Variants in MGST1 observed in about 807,000 individuals in gnomAD.
MGST1 encodes microsomal glutathione S-transferase 1, also known as glutathione S-transferase 12.
MGST1 carries 5 observed loss-of-function variants against 8.9 expected under a neutral mutation model. The observed-to-expected ratio is 0.56, with a 90% CI of 0.29 to 1.19. MGST1 has a LOEUF of 1.19. Ranked by LOEUF, MGST1 falls within the 50% of genes most tolerant of loss-of-function variation. MGST1 has a pLI of 0.08. For synonymous variants in MGST1, 54 were observed against 67.8 expected (o/e 0.80, Z 1.00); for missense variants, 182 against 187.4 (o/e 0.97, Z 0.17).
chr12:16,530,951 T>C (rs1300411139), intron 4 of MGST1, among the ~76,000 whole-genome samples: 1 of 151,902 alleles, frequency 6.6e-6, no homozygotes. Flanking sequence ...GGGAAGTGAA[T>C]AAAGAAATGT....
chr12:16,450,504 G>A (rs1311113537), intron 4 of MGST1, among the ~76,000 whole-genome samples: 1 of 151,946 alleles, frequency 6.6e-6, no homozygotes, highest in South Asian at 2.1e-4. Flanking sequence ...CTTGATAACA[G>A]TCAGAAGCTG....
At position 16,583,003 on chromosome 12, in the gene MGST1, C is replaced by T. The variant is rs560698225; in HGVS notation, n.483-6525C>T. Among the ~76,000 whole-genome samples the T allele has an allele frequency of 6.8e-5, 10 of 147,494 alleles. No homozygotes were observed. The East Asian group carries it at 1.8e-3, about 27-fold the overall frequency. On this transcript the variant is annotated intron_variant and non_coding_transcript_variant, in intron 4 of 4. Coordinates refer to the MGST1 transcript ENST00000538857. ...CAGAGGTTGTAGTGAGCTGAGATCA[C>T]TCCACTGCACTCTAGCCTGGGTGAC...
rs1026327495 is a variant in MGST1 at position 16,503,951 on chromosome 12, T to C, written n.483-85577T>C. On this transcript the variant is annotated intron_variant and non_coding_transcript_variant, in intron 4 of 4. Coordinates refer to the MGST1 transcript ENST00000538857. The surrounding 1 kb of genome is among the most constrained non-coding windows in gnomAD (Gnocchi z 4.8). ...GCACAGTACCTCCGGTGCTGCTGTA[T>C]GCTGCTGCCCTATGCTGCTGCTTCG... 6.6e-6 allele frequency among the ~76,000 whole-genome samples: 1 copy of C among 152,218 alleles called. No homozygotes were observed. The highest frequency in any genetic ancestry group is 2.4e-5 in the African/African-American group (1 of 41,460).
In MGST1 at chr12:16,544,221, T is replaced by TACACACACAC. The variant is rs3029719; in HGVS notation, n.483-45273_483-45264dup. Among the ~76,000 whole-genome samples the TACACACACAC allele has an allele frequency of 0.011, 1,495 of 138,848 alleles. 35 individuals carry two copies. Among genetic ancestry groups the TACACACACAC allele is most frequent in the African/African-American group, 0.035 (1,277 of 36,928 alleles). The allele number at this position is 138,848 out of a possible 152,430, so 91.1% of individuals were successfully genotyped here. On this transcript the variant is annotated intron_variant and non_coding_transcript_variant, in intron 4 of 4. Coordinates refer to the MGST1 transcript ENST00000538857. This position sits in a 1 kb window ranked among gnomAD's most constrained non-coding sequence, Gnocchi z 4.8. Reference sequence around the variant, plus strand: ...TTAAATTGACACCTTAAGTAAGAACTACACACACACACACACACACACACA... The same window carrying TACACACACAC: ...TTAAATTGACACCTTAAGTAAGAACTACACACACACACACACACACACACACACACACACA...
At chr12:16,480,432 T>C (rs2137144180) in intron 4 of MGST1, among the ~76,000 whole-genome samples, 1 of 152,280 alleles carries the variant, frequency 6.6e-6, no homozygotes, top group South Asian at 2.1e-4. Context: ...TAAGCCACCG[T>C]GGTCGGCCAG....
At chr12:16,535,476 C>T (rs1443231368) in intron 4 of MGST1, among the ~76,000 whole-genome samples, 3 of 152,150 alleles carry the variant, frequency 2.0e-5, no homozygotes, top group East Asian at 1.9e-4. Flanking sequence ...CAAGTTCCAG[C>T]ATGACGGATA....
At chr12:16,405,197 T>C (rs368337661) in intron 1 of MGST1, among the ~76,000 whole-genome samples, 2 of 151,984 alleles carry the variant, frequency 1.3e-5, no homozygotes, top group African/African-American at 4.8e-5. Context: ...CCAAAAGAGA[T>C]TGTGACATAC....
At chr12:16,432,940 C>A (rs1309843922) in intron 1 of MGST1, among the ~76,000 whole-genome samples, 8 of 152,014 alleles carry the variant, frequency 5.3e-5, no homozygotes, top group Non-Finnish European at 1.2e-4. Context: ...CTCTGAGAAC[C>A]TGGAAACCAA....
chr12:16,402,440 C>T (rs1940665590), intron 1 of MGST1: 5 of 1,602,704 alleles, frequency 3.1e-6, no homozygotes, highest in Admixed American at 3.3e-5. Flanking sequence ...CGCCGCTTCT[C>T]CTCGGGTTCT....
Position 16,389,915 on chromosome 12 carries a change from G to C in MGST1, n.778+6311G>C, listed in dbSNP as rs1018378800. On this transcript the variant is annotated intron_variant and non_coding_transcript_variant, in intron 1 of 1. Coordinates refer to the MGST1 transcript ENST00000359720. The surrounding 1 kb of genome is among the most constrained non-coding windows in gnomAD (Gnocchi z 4.6). ...AGGCAGGATTGCGTAAGTAGAAAAA[G>C]AGAAAAAGAGAGCAATGCTCTTGTG... Among the ~76,000 whole-genome samples the C allele has an allele frequency of 4.6e-5, 7 of 152,268 alleles. No homozygotes were observed. Among genetic ancestry groups the C allele is most frequent in the African/African-American group, 1.2e-4 (5 of 41,570 alleles).
rs964122895 is a variant in MGST1 at position 16,513,376 on chromosome 12, C to G, written n.483-76152C>G. 2.7e-6 allele frequency: 1 copy of G among 367,112 alleles called. No homozygotes were observed. The highest frequency in any genetic ancestry group is 5.3e-6 in the Non-Finnish European group (1 of 188,522). 22.7% of individuals were successfully genotyped at this position (367,112 alleles called of 1,614,324 possible). A position where few individuals can be genotyped will look rare whatever the true frequency, so the allele number is the denominator to read the frequency against. The stretch of plus-strand genomic sequence containing the variant: ...GCTCCGTCCTGCGTCTGCCCACTGC[C>G]CTCCTACCGTCCACCATGGCTCCTC... On this transcript the variant is annotated intron_variant and non_coding_transcript_variant, in intron 4 of 4. Coordinates refer to the MGST1 transcript ENST00000538857. This position sits in a 1 kb window ranked among gnomAD's most constrained non-coding sequence, Gnocchi z 4.2.
At chr12:16,354,916 A>G (rs1397950416) in intron 2 of MGST1, among the ~76,000 whole-genome samples, 1 of 151,798 alleles carries the variant, frequency 6.6e-6, no homozygotes. Context: ...TCTACCCAGC[A>G]TTATAAGAAT....
intron 3 of MGST1, among the ~76,000 whole-genome samples, chr12:16,371,707 T>G (rs1940296480): frequency 6.6e-6 from 1 of 152,146 alleles, no homozygotes; most frequent in Admixed American, 6.6e-5. Flanking sequence ...TATTGTTATC[T>G]TTTGAAGATC....
intron 1 of MGST1, among the ~76,000 whole-genome samples, chr12:16,414,825 C>A (rs1038544710): frequency 1.4e-4 from 21 of 152,082 alleles, no homozygotes; most frequent in African/African-American, 4.8e-4. Context: ...GAGTTTGAGA[C>A]CAGCCTGGTT....
At chr12:16,445,632 G>T (rs953803900) in intron 4 of MGST1, among the ~76,000 whole-genome samples, 2 of 151,950 alleles carry the variant, frequency 1.3e-5, no homozygotes, top group African/African-American at 4.8e-5. Flanking sequence ...AGATAGTGAA[G>T]AATTCATTCG....
chr12:16,406,459 A>C (rs530546526), intron 1 of MGST1, among the ~76,000 whole-genome samples: 1 of 152,384 alleles, frequency 6.6e-6, no homozygotes, highest in Non-Finnish European at 1.5e-5. Context: ...GATAGGAAGA[A>C]TCAATATCAT....
intron 4 of MGST1, among the ~76,000 whole-genome samples, chr12:16,492,640 T>A (rs1224431488): frequency 1.3e-5 from 2 of 152,190 alleles, no homozygotes. Context: ...GTGATAATAC[T>A]GTCAGAGACT....
chr12:16,467,360 A>T (rs1048645527), intron 4 of MGST1, among the ~76,000 whole-genome samples: 6 of 152,220 alleles, frequency 3.9e-5, no homozygotes, highest in African/African-American at 1.4e-4. Context: ...AGGCCAGCTG[A>T]TCTATTTGAA....
chr12:16,369,274 A>G (rs1429125264), downstream of MGST1, among the ~76,000 whole-genome samples: 1 of 152,180 alleles, frequency 6.6e-6, no homozygotes, highest in African/African-American at 2.4e-5. This position sits in a 1 kb window ranked among gnomAD's most constrained non-coding sequence, Gnocchi z 4.8. Context: ...TACTGTATTA[A>G]TAGCCACAAT....
Sources: gnomAD v4.1 joint callset for allele counts (sites outside exome capture counted in the v4.1 genomes callset) on GRCh38, gnomAD v4.1.1 for gene constraint, Gnocchi (gnomAD v3.1) non-coding constraint, MANE v1.5 for transcripts, NCBI Gene and HGNC (gene_info 2026-07-23, HGNC 2026-07-21) for gene names.